The following FRMD5 variants were observed in gnomAD, a reference collection of about 807,000 sequenced individuals.
FRMD5 encodes the protein FERM domain-containing protein 5.
In FRMD5, 20 loss-of-function variants were observed where a neutral mutation model predicts 69.0. The ratio of observed to expected loss-of-function variants is 0.29; its 90% CI spans 0.20 to 0.42. The LOEUF (loss-of-function observed/expected upper bound fraction) is 0.42. FRMD5 is among the 10% of genes least tolerant of loss of function. The pLI is 1.00. For synonymous variants in FRMD5, 271 were observed against 260.1 expected (o/e 1.04, Z -0.40); for missense variants, 595 against 708.6 (o/e 0.84, Z 1.82).
intron 1 of FRMD5, among the ~76,000 whole-genome samples, chr15:44,060,686 A>T (rs1382128263): frequency 6.6e-6 from 1 of 152,208 alleles, no homozygotes; most frequent in African/African-American, 2.4e-5. Flanking sequence ...ATGGAACAAG[A>T]GGGCAGAAAT....
At chr15:44,105,211 G>C (rs2076699507) in intron 1 of FRMD5, among the ~76,000 whole-genome samples, 1 of 151,648 alleles carries the variant, frequency 6.6e-6, no homozygotes, top group Non-Finnish European at 1.5e-5. Flanking sequence ...TGAGTAGCTG[G>C]GACCACAAGC....
Position 43,894,158 on chromosome 15 carries a change from A to C in FRMD5, c.640-2089T>G, listed in dbSNP as rs115102562. ...AATATCTGAGTACCAGGCACTACAC[A>C]CAAACACTGTTCCTGTCAGGAGGCA... is the stretch of plus-strand genomic sequence containing the variant. On this transcript the variant is annotated intron_variant, in intron 7 of 13. Coordinates refer to ENST00000417257, the MANE Select transcript of FRMD5 (RefSeq NM_032892.5). Among the ~76,000 whole-genome samples the C allele has an allele frequency of 5.8e-3, 876 of 152,242 alleles. 7 individuals are homozygous for C. Among genetic ancestry groups the C allele is most frequent in the African/African-American group, 0.02 (825 of 41,536 alleles).
At chr15:43,922,155 A>G (rs1304061015) in intron 2 of FRMD5, among the ~76,000 whole-genome samples, 2 of 152,214 alleles carry the variant, frequency 1.3e-5, no homozygotes, top group Admixed American at 6.5e-5. Flanking sequence ...TTCAGAGGCT[A>G]TCAGTTATAC....
intron 1 of FRMD5, among the ~76,000 whole-genome samples, chr15:44,095,933 G>A (rs995009915): frequency 1.3e-5 from 2 of 152,156 alleles, no homozygotes; most frequent in Non-Finnish European, 2.9e-5. Flanking sequence ...CTGGCCGGGT[G>A]CGGCGGCTCA....
At chr15:43,963,317 C>T (rs1680256395) in intron 1 of FRMD5, among the ~76,000 whole-genome samples, 1 of 152,208 alleles carries the variant, frequency 6.6e-6, no homozygotes, top group African/African-American at 2.4e-5. Flanking sequence ...TGCTCATCAT[C>T]ACTGGCCATC....
chr15:44,138,056 G>A (rs2077213025), intron 1 of FRMD5, among the ~76,000 whole-genome samples: 1 of 152,164 alleles, frequency 6.6e-6, no homozygotes, highest in South Asian at 2.1e-4. Context: ...GAACCAGATG[G>A]AGGCAACCAC....
chr15:44,160,076 A>G (rs1361543886), intron 1 of FRMD5, among the ~76,000 whole-genome samples: 1 of 152,228 alleles, frequency 6.6e-6, no homozygotes, highest in African/African-American at 2.4e-5. Context: ...GGGAAGTGCC[A>G]GGCACAGTGG....
intron 1 of FRMD5, among the ~76,000 whole-genome samples, chr15:44,162,884 A>C (rs1289305820): frequency 7.1e-6 from 1 of 141,710 alleles, no homozygotes; most frequent in Non-Finnish European, 1.5e-5. Flanking sequence ...AAAAAAAAAA[A>C]AAAAACAAGG....
chr15:43,950,294 G>A (rs987635912), intron 1 of FRMD5, among the ~76,000 whole-genome samples: 1 of 152,182 alleles, frequency 6.6e-6, no homozygotes, highest in Non-Finnish European at 1.5e-5. Context: ...AGGGACATAT[G>A]CCTCCTTTAA....
At chr15:44,049,432 C>G (rs992719213) in intron 1 of FRMD5, among the ~76,000 whole-genome samples, 2 of 152,174 alleles carry the variant, frequency 1.3e-5, no homozygotes, top group African/African-American at 4.8e-5. Flanking sequence ...AAAGGGCTGG[C>G]TTTGCTCCTC....
chr15:44,148,958 G>T (rs1288091661), intron 1 of FRMD5, among the ~76,000 whole-genome samples: 1 of 152,056 alleles, frequency 6.6e-6, no homozygotes, highest in African/African-American at 2.4e-5. Flanking sequence ...TGATTTGAGA[G>T]ACTTATACGT....
At chr15:43,931,485 T>C (rs1402640205) in intron 1 of FRMD5, among the ~76,000 whole-genome samples, 1 of 152,202 alleles carries the variant, frequency 6.6e-6, no homozygotes, top group Non-Finnish European at 1.5e-5. Context: ...ACAACGCTGC[T>C]TCAAATAACT....
At chr15:44,117,780 G>T (rs1006287511) in intron 1 of FRMD5, among the ~76,000 whole-genome samples, 6 of 152,068 alleles carry the variant, frequency 3.9e-5, no homozygotes, top group Admixed American at 6.5e-5. Flanking sequence ...ACAATCAGGG[G>T]ACCTAGCAGC....
intron 7 of FRMD5, among the ~76,000 whole-genome samples, chr15:43,895,079 C>T (rs763310305): frequency 6.6e-6 from 1 of 152,098 alleles, no homozygotes; most frequent in Non-Finnish European, 1.5e-5. Context: ...CCACCACACC[C>T]GGCCTGTGTT....
intron 1 of FRMD5, among the ~76,000 whole-genome samples, chr15:44,036,425 G>T (rs950697143): frequency 1.3e-5 from 2 of 151,984 alleles, no homozygotes; most frequent in Non-Finnish European, 2.9e-5. Flanking sequence ...ATAGAGGAGA[G>T]AAGTTGTTTA....
At chr15:44,008,084 C>T (rs1021098461) in intron 1 of FRMD5, among the ~76,000 whole-genome samples, 11 of 134,202 alleles carry the variant, frequency 8.2e-5, no homozygotes, top group African/African-American at 2.5e-4. Flanking sequence ...TGGGGACAAT[C>T]GGCAATTTTT....
At chr15:44,012,761 GTTTTTTTTTTTT>G (rs35690752) in intron 1 of FRMD5, among the ~76,000 whole-genome samples, 5 of 120,844 alleles carry the variant, frequency 4.1e-5, no homozygotes, top group Non-Finnish European at 1.7e-5. Flanking sequence ...AAGTTATTGG[GTTTTTTTTTTTT>G]TTTTTTTTTT....
chr15:44,023,520 G>C (rs1031801569), intron 1 of FRMD5, among the ~76,000 whole-genome samples: 1 of 152,102 alleles, frequency 6.6e-6, no homozygotes, highest in Non-Finnish European at 1.5e-5. Context: ...GCCTGTTTTA[G>C]TACAAAACCT....
intron 13 of FRMD5, among the ~76,000 whole-genome samples, chr15:43,875,478 C>CT (rs1293886258): frequency 6.7e-6 from 1 of 148,914 alleles, no homozygotes; most frequent in East Asian, 2.0e-4. Context: ...CGGTTTTGGC[C>CT]TAGTTTGTGT....
Sources: gnomAD v4.1 joint callset for allele counts (sites outside exome capture counted in the v4.1 genomes callset) on GRCh38, gnomAD v4.1.1 for gene constraint, MANE v1.5 for transcripts, NCBI Gene and HGNC (gene_info 2026-07-23, HGNC 2026-07-21) for gene names.